Variants in PPM1H observed in about 807,000 individuals in gnomAD.
PPM1H encodes the protein protein phosphatase, Mg2+/Mn2+ dependent 1H.
Under a neutral mutation model 54.9 loss-of-function variants are expected in PPM1H, and 27 were observed. The ratio of observed to expected loss-of-function variants is 0.49; its 90% confidence interval spans 0.36 to 0.68. PPM1H has a LOEUF of 0.68. Among genes scored for constraint, PPM1H ranks in the 30% least tolerant of loss-of-function variants. The probability of loss-of-function intolerance (pLI) is 0.00; values close to 1 mark genes in which losing one functional copy is unlikely to be tolerated. For synonymous variants in PPM1H, 305 were observed against 270.8 expected (o/e 1.13, Z -1.24); for missense variants, 596 against 667.8 (o/e 0.89, Z 1.19).
chr12:62,837,689 T>C (rs1868544389), intron 1 of PPM1H, among the ~76,000 whole-genome samples: 1 of 152,258 alleles, frequency 6.6e-6, no homozygotes, highest in Non-Finnish European at 1.5e-5. Context: ...AATTAAATGC[T>C]CTAGCATGAA....
At chr12:62,690,847 C>T (rs567917245) in intron 7 of PPM1H, among the ~76,000 whole-genome samples, 2 of 152,224 alleles carry the variant, frequency 1.3e-5, no homozygotes, top group African/African-American at 4.8e-5. Flanking sequence ...TGGTGGGCAC[C>T]TGTAATCCCA....
At chr12:62,731,426 C>T (rs1029132578) in intron 5 of PPM1H, among the ~76,000 whole-genome samples, 1 of 152,176 alleles carries the variant, frequency 6.6e-6, no homozygotes, top group African/African-American at 2.4e-5. Context: ...CACCAGCACG[C>T]TTGAACCTCC....
chr12:62,806,611 G>A (rs1286613389), intron 2 of PPM1H, among the ~76,000 whole-genome samples: 2 of 152,184 alleles, frequency 1.3e-5, no homozygotes, highest in East Asian at 3.9e-4. Flanking sequence ...GAGTTCTCAC[G>A]AGATCTGGTT....
At chr12:62,832,624 A>G (rs966564938) in intron 1 of PPM1H, among the ~76,000 whole-genome samples, 1 of 152,148 alleles carries the variant, frequency 6.6e-6, no homozygotes, top group African/African-American at 2.4e-5. Context: ...GGCAATTACA[A>G]TGAAGACAGA....
intron 1 of PPM1H, among the ~76,000 whole-genome samples, chr12:62,873,662 G>C (rs545575705): frequency 5.3e-5 from 8 of 152,216 alleles, no homozygotes; most frequent in African/African-American, 1.7e-4. Context: ...GAGAGGACTC[G>C]CACTAACCCA....
chr12:62,858,946 T>A (rs140926454), intron 1 of PPM1H, among the ~76,000 whole-genome samples: 2,038 of 152,360 alleles, frequency 0.013, 31 homozygotes, highest in South Asian at 0.024. Context: ...TTTAAAGATT[T>A]CTTCCTTTAT....
intron 4 of PPM1H, chr12:62,755,964 A>C: frequency 9.9e-7 from 1 of 1,006,746 alleles, no homozygotes; most frequent in Non-Finnish European, 1.6e-6. Flanking sequence ...GTGGGCCTGA[A>C]CTGCTGTCTG....
chr12:62,665,071 A>T (rs2075909497), intron 9 of PPM1H, among the ~76,000 whole-genome samples: 1 of 151,158 alleles, frequency 6.6e-6, no homozygotes. Flanking sequence ...TTTTTGGGAC[A>T]GAGTCTCACT....
chr12:62,849,309 A>G (rs1410916943), intron 1 of PPM1H, among the ~76,000 whole-genome samples: 1 of 152,236 alleles, frequency 6.6e-6, no homozygotes, highest in Non-Finnish European at 1.5e-5. Flanking sequence ...ACACTTGTAA[A>G]TACTTGTGAT....
rs2076774968 is a variant in PPM1H, at chr12:62,802,175, G to A, written c.412-15C>T. ...CCCTCGGATTCCTGTGGGAGAGGAC[G>A]ACAGGGAGGAGTGAGAACGGCTGTG... On this transcript the variant is annotated splice_polypyrimidine_tract_variant and intron_variant, in intron 2 of 9. Transcript: ENST00000228705. The A allele has an allele frequency of 5.2e-6, 8 of 1,539,958 alleles. No homozygotes were observed. The highest frequency in any genetic ancestry group is 1.9e-5 in the Admixed American group (1 of 52,248).
At chr12:62,674,714 G>C (rs2075976031) in intron 8 of PPM1H, among the ~76,000 whole-genome samples, 1 of 152,210 alleles carries the variant, frequency 6.6e-6, no homozygotes, top group Non-Finnish European at 1.5e-5. Context: ...AAGGTAAATG[G>C]GATACTGATT....
At position 62,703,702 on chromosome 12, in the gene PPM1H, C is replaced by A. The variant is rs2280068; in HGVS notation, c.1074-9703G>T. Among the ~76,000 whole-genome samples, 1,352 of 152,054 alleles carry A rather than the reference C, an allele frequency of 8.9e-3. 7 individuals carry two copies. Among genetic ancestry groups the A allele is most frequent in the Non-Finnish European group, 0.013 (911 of 67,982 alleles). On this transcript the variant is annotated intron_variant, in intron 6 of 9. Coordinates refer to ENST00000228705, the MANE Select transcript of PPM1H (RefSeq NM_020700.2). The stretch of plus-strand genomic sequence containing the variant: ...TGTGGCTTTTAAGAGCTTGGCATGA[C>A]CCCAGTTAAGCAATTCTGGAATCCA...
At chr12:62,802,416 C>T (rs1565793048) in intron 2 of PPM1H, among the ~76,000 whole-genome samples, 1 of 152,164 alleles carries the variant, frequency 6.6e-6, no homozygotes, top group Non-Finnish European at 1.5e-5. Flanking sequence ...TGCCTCCCCA[C>T]CTAGCAAGGG....
At chr12:62,901,666 T>C (rs1220621123) in intron 1 of PPM1H, among the ~76,000 whole-genome samples, 3 of 152,232 alleles carry the variant, frequency 2.0e-5, no homozygotes, top group Non-Finnish European at 4.4e-5. Flanking sequence ...GACACATTCT[T>C]AACACTCCTA....
At position 62,927,011 on chromosome 12, in the gene PPM1H, A is replaced by G. The variant is rs114718210; in HGVS notation, c.245+7481T>C. Among the ~76,000 whole-genome samples the G allele has an allele frequency of 2.8e-3, 421 of 152,360 alleles. 3 individuals carry two copies. The highest frequency in any genetic ancestry group is 9.6e-3 in the African/African-American group (400 of 41,580). ...AATGGCTAATAAATATCTATAACAT[A>G]TAAGTATATACATCTGTTTATTCAT... On this transcript the variant is annotated intron_variant, in intron 1 of 9. Coordinates refer to ENST00000228705, the MANE Select transcript of PPM1H (RefSeq NM_020700.2).
At chr12:62,840,951 A>T (rs1469510268) in intron 1 of PPM1H, among the ~76,000 whole-genome samples, 1 of 152,034 alleles carries the variant, frequency 6.6e-6, no homozygotes, top group East Asian at 1.9e-4. Context: ...AGAGGTTGTG[A>T]ACCGAACAAT....
chr12:62,656,389 A>G (rs1486674584), intron 9 of PPM1H, among the ~76,000 whole-genome samples: 2 of 152,228 alleles, frequency 1.3e-5, no homozygotes, highest in Admixed American at 6.5e-5. Flanking sequence ...TCGGAGGTCA[A>G]TAAGTGTTAG....
At chr12:62,743,702 A>G (rs2120547820) in intron 4 of PPM1H, among the ~76,000 whole-genome samples, 1 of 151,694 alleles carries the variant, frequency 6.6e-6, no homozygotes, top group East Asian at 1.9e-4. Context: ...ACAGGTATTT[A>G]ACAAACAAGC....
intron 6 of PPM1H, among the ~76,000 whole-genome samples, chr12:62,710,705 A>G (rs533511657): frequency 6.6e-6 from 1 of 152,238 alleles, no homozygotes; most frequent in African/African-American, 2.4e-5. Context: ...ATGCTGCAGG[A>G]CAGACCTGCT....
Sources: allele counts gnomAD v4.1 joint callset (sites outside exome capture counted in the v4.1 genomes callset), GRCh38; gene constraint gnomAD v4.1.1; transcripts MANE v1.5; gene names NCBI Gene and HGNC (gene_info 2026-07-23, HGNC 2026-07-21).